The following ROBO2 variants were observed in gnomAD, a reference collection of about 807,000 sequenced individuals.
ROBO2 encodes the protein roundabout homolog 2.
ROBO2 carries 53 observed loss-of-function variants against 160.8 expected under a neutral mutation model. That is an observed-to-expected ratio of 0.33 (90% CI 0.26 to 0.41). The LOEUF (loss-of-function observed/expected upper bound fraction) is 0.41. Ranked by LOEUF, ROBO2 falls within the 10% of genes least tolerant of loss-of-function variation. The pLI is 1.00. For synonymous variants in ROBO2, 664 were observed against 611.7 expected (o/e 1.09, Z -1.26); for missense variants, 1,577 against 1,722.4 (o/e 0.92, Z 1.49).
At chr3:76,960,074 C>G (rs748477818) in intron 2 of ROBO2, among the ~76,000 whole-genome samples, 1 of 151,600 alleles carries the variant, frequency 6.6e-6, no homozygotes, top group African/African-American at 2.4e-5. Flanking sequence ...TTCTGAGTAT[C>G]TCAGAAAAAC....
At chr3:77,348,288 G>A (rs545481485) in intron 2 of ROBO2, among the ~76,000 whole-genome samples, 15 of 152,290 alleles carry the variant, frequency 9.8e-5, no homozygotes, top group Non-Finnish European at 1.8e-4. Context: ...TTGATTATAT[G>A]CTAAACAAGG....
intron 2 of ROBO2, among the ~76,000 whole-genome samples, chr3:76,549,413 C>G (rs2083291573): frequency 1.3e-5 from 2 of 152,116 alleles, no homozygotes; most frequent in Admixed American, 6.5e-5. Flanking sequence ...AGTGTTGCCT[C>G]TACTGAGATT....
At chr3:77,335,713 G>A (rs535408704) in intron 2 of ROBO2, among the ~76,000 whole-genome samples, 74 of 152,194 alleles carry the variant, frequency 4.9e-4, no homozygotes, top group Middle Eastern at 3.4e-3. Flanking sequence ...CTGATTCGGA[G>A]TAGCCATCAA....
At chr3:76,408,405 C>CT (rs2108812566) in intron 2 of ROBO2, among the ~76,000 whole-genome samples, 1 of 152,194 alleles carries the variant, frequency 6.6e-6, no homozygotes, top group East Asian at 1.9e-4. Context: ...GGATTCAACT[C>CT]TTTTGAAGCC....
At chr3:77,407,110 A>C (rs1473823980) in intron 2 of ROBO2, among the ~76,000 whole-genome samples, 1 of 152,090 alleles carries the variant, frequency 6.6e-6, no homozygotes, top group East Asian at 1.9e-4. Context: ...ACAAGAGTGA[A>C]CCACCCAGGC....
exon 15 of ROBO2, chr3:77,577,515 C>T (rs1019922432): frequency 2.5e-6 from 4 of 1,613,206 alleles, no homozygotes; most frequent in Non-Finnish European, 3.4e-6. Context: ...CACAGTCTGT[C>T]ACTGTACTGA....
intron 13 of ROBO2, among the ~76,000 whole-genome samples, chr3:77,569,862 A>G (rs2093593825): frequency 6.6e-6 from 1 of 151,988 alleles, no homozygotes. Flanking sequence ...TAAGTTTATA[A>G]TATTTTAAGA....
chr3:76,253,694 A>G (rs1706179860), intron 2 of ROBO2, among the ~76,000 whole-genome samples: 1 of 151,596 alleles, frequency 6.6e-6, no homozygotes, highest in South Asian at 2.1e-4. Flanking sequence ...TTGTTTACAG[A>G]AAAAGGTAAG....
chr3:76,159,739 G>C (rs770224780), intron 2 of ROBO2, among the ~76,000 whole-genome samples: 2 of 152,116 alleles, frequency 1.3e-5, no homozygotes, highest in Non-Finnish European at 2.9e-5. Flanking sequence ...AAACACTTTT[G>C]TAAGTAATGA....
chr3:77,443,189 A>C (rs753721843), intron 2 of ROBO2, among the ~76,000 whole-genome samples: 1 of 152,216 alleles, frequency 6.6e-6, no homozygotes, highest in Admixed American at 6.5e-5. Context: ...ATTGCTTTTA[A>C]TAATACTTGT....
At chr3:76,474,165 T>C (rs973730207) in intron 2 of ROBO2, among the ~76,000 whole-genome samples, 4 of 152,174 alleles carry the variant, frequency 2.6e-5, no homozygotes, top group African/African-American at 9.7e-5. Context: ...TATGTTATCT[T>C]AATAGGGTGA....
intron 2 of ROBO2, among the ~76,000 whole-genome samples, chr3:76,654,913 G>GTGTGTATATA (rs536883164): frequency 2.7e-5 from 2 of 74,186 alleles, no homozygotes; most frequent in Admixed American, 1.4e-4. Flanking sequence ...ATATGTGTGT[G>GTGTGTATATA]TATATATATA....
chr3:77,237,373 C>CT (rs910656183), intron 2 of ROBO2, among the ~76,000 whole-genome samples: 29 of 140,118 alleles, frequency 2.1e-4, no homozygotes, highest in Middle Eastern at 3.7e-3. Context: ...CTTTTCTTTT[C>CT]TTTTTTTTTC....
intron 2 of ROBO2, among the ~76,000 whole-genome samples, chr3:76,670,917 A>G (rs1269306775): frequency 6.8e-6 from 1 of 146,594 alleles, no homozygotes; most frequent in Non-Finnish European, 1.5e-5. Flanking sequence ...TGAATGATTT[A>G]TTTTAGATGA....
chr3:75,939,486 T>C (rs924892939), intron 2 of ROBO2, among the ~76,000 whole-genome samples: 1 of 152,202 alleles, frequency 6.6e-6, no homozygotes, highest in Non-Finnish European at 1.5e-5. Flanking sequence ...CTAGCTGTAG[T>C]AAAGCTTCTA....
chr3:77,528,917 C>T (rs913171873), intron 6 of ROBO2, among the ~76,000 whole-genome samples: 7 of 151,154 alleles, frequency 4.6e-5, no homozygotes, highest in Admixed American at 6.6e-5. Context: ...TGTAGGGATT[C>T]CTGTTAATGA....
intron 2 of ROBO2, among the ~76,000 whole-genome samples, chr3:76,503,629 A>G (rs2080605229): frequency 6.6e-6 from 1 of 152,236 alleles, no homozygotes. Context: ...CCTTATTACA[A>G]AAAGAAAATT....
chr3:77,270,272 C>T (rs1370205699), intron 2 of ROBO2, among the ~76,000 whole-genome samples: 1 of 152,144 alleles, frequency 6.6e-6, no homozygotes, highest in East Asian at 1.9e-4. Context: ...TTTATGCTAG[C>T]CCAACAAAAT....
chr3:76,183,074 G>T (rs1179924758), intron 2 of ROBO2, among the ~76,000 whole-genome samples: 1 of 152,132 alleles, frequency 6.6e-6, no homozygotes, highest in African/African-American at 2.4e-5. Flanking sequence ...TGGCGAATGA[G>T]CTGTGTAAGA....
Sources: gnomAD v4.1 joint callset for allele counts (sites outside exome capture counted in the v4.1 genomes callset) on GRCh38, gnomAD v4.1.1 for gene constraint, MANE v1.5 for transcripts, NCBI Gene and HGNC (gene_info 2026-07-23, HGNC 2026-07-21) for gene names.